The following FREM3 variants were observed in gnomAD, a reference collection of about 807,000 sequenced individuals.
FREM3 encodes the protein FRAS1-related extracellular matrix protein 3.
FREM3 carries 105 observed loss-of-function variants against 129.1 expected under a neutral mutation model. That is an observed-to-expected ratio of 0.81 (90% CI 0.69 to 0.96). The LOEUF (loss-of-function observed/expected upper bound fraction) is 0.96. Among genes scored for constraint, FREM3 ranks in the 40% least tolerant of loss-of-function variants. The probability of loss-of-function intolerance (pLI) is 0.00; values close to 1 mark genes in which losing one functional copy is unlikely to be tolerated. For synonymous variants in FREM3, 1,014 were observed against 1,044.9 expected (o/e 0.97, Z 0.57); for missense variants, 2,593 against 2,666.3 (o/e 0.97, Z 0.61).
At chr4:143,660,830 T>C (rs866761139) in intron 2 of FREM3, among the ~76,000 whole-genome samples, 39 of 152,310 alleles carry the variant, frequency 2.6e-4, no homozygotes, top group African/African-American at 8.7e-4. Context: ...CTAGGTATTT[T>C]ATTCTCTTTG....
intron 6 of FREM3, among the ~76,000 whole-genome samples, chr4:143,594,692 C>A (rs2149835921): frequency 6.6e-6 from 1 of 152,288 alleles, no homozygotes; most frequent in South Asian, 2.1e-4. Flanking sequence ...AATGTCAGAA[C>A]TCAAGCCTCT....
intron 6 of FREM3, among the ~76,000 whole-genome samples, chr4:143,590,823 C>G (rs911536831): frequency 6.6e-6 from 1 of 152,118 alleles, no homozygotes; most frequent in African/African-American, 2.4e-5. Context: ...GTACCAGCTC[C>G]TCCTTGTACC....
At chr4:143,666,379 C>G (rs1490559821) in intron 2 of FREM3, among the ~76,000 whole-genome samples, 1 of 152,072 alleles carries the variant, frequency 6.6e-6, no homozygotes, top group Non-Finnish European at 1.5e-5. Context: ...AAATTCTACA[C>G]TTAGGTATAT....
chr4:143,581,592 TG>T (rs1738143593), intron 7 of FREM3, among the ~76,000 whole-genome samples: 2 of 151,810 alleles, frequency 1.3e-5, no homozygotes, highest in African/African-American at 4.8e-5. Flanking sequence ...GCCACTGCAG[TG>T]GTTCTGCCAG....
rs558192811 is a variant in FREM3, at chr4:143,591,225, G to T, written c.6029-5232C>A. Among the ~76,000 whole-genome samples, 4 of 152,084 alleles carry T rather than the reference G, an allele frequency of 2.6e-5. No individual in the cohort carries two copies. The South Asian group carries it at 8.3e-4, about 32-fold the overall frequency. On this transcript the variant is annotated intron_variant, in intron 6 of 7. Coordinates refer to ENST00000329798, the MANE Select transcript of FREM3 (RefSeq NM_001168235.2). ...CATTGATTTTTTTGAAGGGTTTTTT[G>T]TGTCTCTATCTCCTTCAGTTCTGCT...
intron 6 of FREM3, among the ~76,000 whole-genome samples, chr4:143,596,043 A>G (rs1738476712): frequency 6.6e-6 from 1 of 152,176 alleles, no homozygotes; most frequent in Non-Finnish European, 1.5e-5. Context: ...AAAGACACAT[A>G]AGCATGAAAA....
intron 2 of FREM3, among the ~76,000 whole-genome samples, chr4:143,655,095 G>T (rs1739577327): frequency 6.6e-6 from 1 of 151,590 alleles, no homozygotes; most frequent in African/African-American, 2.4e-5. Flanking sequence ...CAAGGCAGCA[G>T]AAAGGATCTG....
In FREM3 at chr4:143,611,531, C is replaced by T; in HGVS notation, c.5780-4G>A. The T allele has an allele frequency of 6.5e-7, 1 of 1,536,346 alleles. No individual in the cohort carries two copies. The highest frequency in any genetic ancestry group is 1.2e-5 in the South Asian group (1 of 83,926). On this transcript the variant is annotated splice_region_variant and splice_polypyrimidine_tract_variant and intron_variant, in intron 5 of 7. Coordinates refer to ENST00000329798, the MANE Select transcript of FREM3 (RefSeq NM_001168235.2). Reference sequence around the variant, plus strand: ...GAAATCGTGCCTGTGGCAGAACCTACAGAAATATGAGAAGGAACAGGGAGG... The same window carrying T: ...GAAATCGTGCCTGTGGCAGAACCTATAGAAATATGAGAAGGAACAGGGAGG...
intron 2 of FREM3, among the ~76,000 whole-genome samples, chr4:143,672,205 G>A (rs551373323): frequency 2.6e-5 from 4 of 152,222 alleles, no homozygotes; most frequent in South Asian, 4.1e-4. Context: ...AAATGACCTC[G>A]AAACCCCAAA....
rs565881608 is a variant in FREM3 at position 143,633,798 on chromosome 4, C to A, written c.5276-6038G>T. ...ATATATAATTACTTTGAAGTCAAAC[C>A]GTACATCAGGCACAATCCTAAGCGT... On this transcript the variant is annotated intron_variant, in intron 2 of 7. Coordinates refer to ENST00000329798, the MANE Select transcript of FREM3 (RefSeq NM_001168235.2). Among the ~76,000 whole-genome samples, 307 of 152,200 alleles carry A rather than the reference C, an allele frequency of 2.0e-3. 4 individuals carry two copies. The highest frequency in any genetic ancestry group is 7.0e-3 in the African/African-American group (289 of 41,550).
In FREM3 at chr4:143,699,136, T is replaced by G; in HGVS notation, c.1540A>C (p.Ser514Arg). The change falls in exon 1 of 8, where the codon AGT (serine) becomes CGT (arginine). Residue 514 changes from serine to arginine, a missense_variant. Physicochemically the swap from Ser to Arg is moderately radical, Grantham distance 110. Coordinates refer to ENST00000329798, the MANE Select transcript of FREM3 (RefSeq NM_001168235.2). The surrounding 1 kb of genome is among the most constrained non-coding windows in gnomAD (Gnocchi z 4.2). ...TCCATCCGGAAGATGATATTGTCAC[T>G]GTAGGTGTTGCTGCCATCATGCTGA... ...VYQHDGSNTYSDNIIFRMEDG... is the reference protein window; with the variant it reads ...VYQHDGSNTYRDNIIFRMEDG... 6.5e-7 allele frequency: 1 copy of G among 1,537,420 alleles called. No homozygotes were observed. Among genetic ancestry groups the G allele is most frequent in the Non-Finnish European group, 8.7e-7 (1 of 1,146,954 alleles).
At chr4:143,632,830 C>G (rs1047249697) in intron 2 of FREM3, among the ~76,000 whole-genome samples, 6 of 152,050 alleles carry the variant, frequency 3.9e-5, no homozygotes, top group Non-Finnish European at 8.8e-5. Context: ...ATCCAAAAAC[C>G]TCATAATGTT....
intron 5 of FREM3, among the ~76,000 whole-genome samples, chr4:143,612,652 A>G (rs1738780761): frequency 6.6e-6 from 1 of 152,172 alleles, no homozygotes; most frequent in African/African-American, 2.4e-5. Context: ...TTTCTAGAAT[A>G]AATACTTAAG....
At chr4:143,591,594 G>T (rs1455335929) in intron 6 of FREM3, among the ~76,000 whole-genome samples, 3 of 152,218 alleles carry the variant, frequency 2.0e-5, no homozygotes, top group South Asian at 4.2e-4. Flanking sequence ...ATTGCACTGT[G>T]GTCTGAGAGA....
chr4:143,661,318 A>T (rs1198798260), intron 2 of FREM3, among the ~76,000 whole-genome samples: 1 of 152,194 alleles, frequency 6.6e-6, no homozygotes, highest in Non-Finnish European at 1.5e-5. Context: ...AATTTTGTCA[A>T]AGGCCTTTTC....
intron 2 of FREM3, among the ~76,000 whole-genome samples, chr4:143,628,418 T>C (rs1739082854): frequency 6.6e-6 from 1 of 152,142 alleles, no homozygotes; most frequent in Non-Finnish European, 1.5e-5. Flanking sequence ...GTAATGTTTG[T>C]GTATTGGTAG....
In FREM3 at chr4:143,695,857, T is replaced by G; in HGVS notation, c.4819A>C (p.Ser1607Arg). ...GTCTCACTGCCGTCATGCTTGTAGC[T>G]AATCAGGTTCTTGTTCAGGTCTTGC... ...TKQDLNKNLI[S>R]YKHDGSETTE... Residue 1607 changes from serine (S) to arginine (R), a missense_variant, in exon 1 of 8, where the codon AGC (serine) becomes CGC (arginine). Transcript: ENST00000329798. 1 of 1,537,508 alleles carries G rather than the reference T, an allele frequency of 6.5e-7. No individual in the cohort carries two copies. Among genetic ancestry groups the G allele is most frequent in the Non-Finnish European group, 8.7e-7 (1 of 1,146,982 alleles).
chr4:143,685,119 G>C (rs938077112), intron 2 of FREM3, among the ~76,000 whole-genome samples: 1 of 152,122 alleles, frequency 6.6e-6, no homozygotes, highest in Non-Finnish European at 1.5e-5. Context: ...CCTCGCTAGA[G>C]ACATAGACAT....
At chr4:143,629,112 C>T (rs1252891961) in intron 2 of FREM3, among the ~76,000 whole-genome samples, 1 of 152,106 alleles carries the variant, frequency 6.6e-6, no homozygotes, top group Non-Finnish European at 1.5e-5. Flanking sequence ...CCCATGAAAA[C>T]ACCAAGTAAG....
Sources: allele counts gnomAD v4.1 joint callset (sites outside exome capture counted in the v4.1 genomes callset), GRCh38; gene constraint gnomAD v4.1.1; non-coding constraint Gnocchi (gnomAD v3.1); transcripts MANE v1.5; gene names NCBI Gene and HGNC (gene_info 2026-07-23, HGNC 2026-07-21).